Variants in TRPM3 observed in about 807,000 individuals in gnomAD.
The protein encoded by TRPM3 is transient receptor potential cation channel subfamily M member 3, also known as long transient receptor potential channel 3.
Under a neutral mutation model 181.2 loss-of-function variants are expected in TRPM3, and 77 were observed. That is an observed-to-expected ratio of 0.42 (90% CI 0.35 to 0.51). The LOEUF (loss-of-function observed/expected upper bound fraction) is 0.51, where lower values mean the gene tolerates loss of function less well. Among genes scored for constraint, TRPM3 ranks in the 20% least tolerant of loss-of-function variants. TRPM3 has a pLI of 0.01. For missense variants in TRPM3, 1,759 were observed against 2,196.7 expected (o/e 0.80, Z 3.98); for synonymous variants, 745 against 796.4 (o/e 0.94, Z 1.09).
intron 1 of TRPM3, among the ~76,000 whole-genome samples, chr9:70,886,887 A>G (rs2096094145): frequency 6.6e-6 from 1 of 151,658 alleles, no homozygotes; most frequent in Admixed American, 6.6e-5. Context: ...CCAGTTTCGA[A>G]CTCCTGACCT....
chr9:71,442,943 G>T (rs1306493089), intron 1 of TRPM3, among the ~76,000 whole-genome samples: 1 of 152,138 alleles, frequency 6.6e-6, no homozygotes, highest in Admixed American at 6.5e-5. Flanking sequence ...AGACAAAGAA[G>T]TCTTAAATTA....
intron 8 of TRPM3, among the ~76,000 whole-genome samples, chr9:70,701,475 T>C (rs956567821): frequency 1.3e-5 from 2 of 152,160 alleles, no homozygotes; most frequent in African/African-American, 2.4e-5. Flanking sequence ...GTGGTTTCTG[T>C]GGCATTTAAT....
chr9:71,259,830 T>C (rs2082920388), intron 1 of TRPM3, among the ~76,000 whole-genome samples: 1 of 152,216 alleles, frequency 6.6e-6, no homozygotes, highest in Non-Finnish European at 1.5e-5. Context: ...TTCCATTCTG[T>C]AGGGTGGCTG....
chr9:71,331,859 A>T (rs796421265), intron 1 of TRPM3, among the ~76,000 whole-genome samples: 1 of 494 alleles, frequency 2.0e-3, no homozygotes, highest in African/African-American at 7.6e-3. Flanking sequence ...AGAAGAGGAG[A>T]CGGAGGAGGA....
chr9:71,414,648 G>A lies in TRPM3; in HGVS notation c.183+32005C>T, dbSNP rs372629878. 4.6e-5 allele frequency among the ~76,000 whole-genome samples: 7 copies of A among 152,048 alleles called. No homozygotes were observed. In the East Asian group the frequency reaches 1.4e-3, roughly 29 times the overall value. ...GGAAATTCTCAGGTACATGACATATGGTATAAAATACACATAGATCTTGTG... is the reference window on the plus strand; with the variant it reads ...GGAAATTCTCAGGTACATGACATATAGTATAAAATACACATAGATCTTGTG... On this transcript the variant is annotated intron_variant, in intron 1 of 24. Coordinates refer to the TRPM3 transcript ENST00000357533.
intron 1 of TRPM3, among the ~76,000 whole-genome samples, chr9:71,076,812 T>A (rs1344159187): frequency 6.6e-6 from 1 of 152,114 alleles, no homozygotes; most frequent in East Asian, 1.9e-4. Flanking sequence ...AGGCATTAGG[T>A]ACAGTGTGAT....
intron 22 of TRPM3, among the ~76,000 whole-genome samples, chr9:70,570,445 A>G (rs1272812495): frequency 6.6e-6 from 1 of 150,736 alleles, no homozygotes; most frequent in African/African-American, 2.4e-5. Context: ...AGTAGCTGGG[A>G]TTACAGGTAT....
chr9:70,932,708 T>C lies in TRPM3; in HGVS notation c.178-68197A>G, dbSNP rs1346525090. 2.0e-4 allele frequency among the ~76,000 whole-genome samples: 31 copies of C among 152,140 alleles called. 1 individual carries two copies. Among genetic ancestry groups the C allele is most frequent in the Admixed American group, 2.0e-3 (31 of 15,266 alleles). On this transcript the variant is annotated intron_variant, in intron 1 of 25. Coordinates refer to ENST00000677713, the MANE Select transcript of TRPM3 (RefSeq NM_001366145.2). Reference sequence around the variant, plus strand: ...GAAGCAAGATCTTGAAGAAGTCACGTTAACTCTACAGGAGTAGAAAGCCAG... The same window carrying C: ...GAAGCAAGATCTTGAAGAAGTCACGCTAACTCTACAGGAGTAGAAAGCCAG...
intron 1 of TRPM3, among the ~76,000 whole-genome samples, chr9:70,877,720 A>G (rs1345240296): frequency 1.3e-5 from 2 of 151,792 alleles, no homozygotes; most frequent in Non-Finnish European, 2.9e-5. Flanking sequence ...TCCTTTCTCC[A>G]ATATTTAGTA....
chr9:71,316,874 A>T (rs1438808464), intron 1 of TRPM3, among the ~76,000 whole-genome samples: 1 of 152,208 alleles, frequency 6.6e-6, no homozygotes, highest in Non-Finnish European at 1.5e-5. Flanking sequence ...AAAGAAAAAA[A>T]ATCCTGTGGG....
At chr9:70,963,644 A>C (rs187581843) in intron 1 of TRPM3, among the ~76,000 whole-genome samples, 7 of 152,184 alleles carry the variant, frequency 4.6e-5, no homozygotes, top group African/African-American at 1.7e-4. Flanking sequence ...AATGTTTACA[A>C]AAATGAGGCT....
chr9:71,382,321 C>A (rs1209258949), intron 1 of TRPM3, among the ~76,000 whole-genome samples: 1 of 152,006 alleles, frequency 6.6e-6, no homozygotes, highest in East Asian at 1.9e-4. Context: ...GTGCCAAATG[C>A]ATTTGAAAAA....
intron 1 of TRPM3, among the ~76,000 whole-genome samples, chr9:70,897,798 C>CTAA (rs2096301986): frequency 6.6e-6 from 1 of 152,084 alleles, no homozygotes; most frequent in East Asian, 1.9e-4. Flanking sequence ...TTGCACCAAC[C>CTAA]TAATAGAAGA....
At position 71,222,299 on chromosome 9, in the gene TRPM3, T is replaced by C. The variant is rs1293059129; in HGVS notation, c.183+224354A>G. 3.3e-5 allele frequency among the ~76,000 whole-genome samples: 5 copies of C among 152,356 alleles called. No homozygotes were observed. In the East Asian group the frequency reaches 5.8e-4, roughly 18 times the overall value. ...AAAAGTTAAAGAAATAAAGTTCTAC[T>C]GACAAACACCAAACGTTCTTGTCAC... On this transcript the variant is annotated intron_variant, in intron 1 of 24. Transcript: ENST00000357533.
intron 19 of TRPM3, among the ~76,000 whole-genome samples, chr9:70,607,719 T>TAAC (rs1554776765): frequency 2.0e-5 from 3 of 152,346 alleles, no homozygotes; most frequent in African/African-American, 7.2e-5. Flanking sequence ...TTTGCATTTC[T>TAAC]AACAAAACTC....
intron 1 of TRPM3, among the ~76,000 whole-genome samples, chr9:71,119,522 T>C (rs529021256): frequency 1.3e-5 from 2 of 152,040 alleles, no homozygotes; most frequent in African/African-American, 4.8e-5. Flanking sequence ...GACTAGTAAA[T>C]GAATAACATT....
chr9:71,123,222 T>C (rs11788285), upstream of TRPM3, among the ~76,000 whole-genome samples: 64 of 152,358 alleles, frequency 4.2e-4, 1 homozygote, highest in Admixed American at 1.6e-3. Context: ...AATTTAATCT[T>C]ACATAAGAGT....
Position 70,868,493 on chromosome 9 carries a change from A to T in TRPM3, c.178-3982T>A, listed in dbSNP as rs147479726. On this transcript the variant is annotated intron_variant, in intron 1 of 25. Coordinates refer to ENST00000677713, the MANE Select transcript of TRPM3 (RefSeq NM_001366145.2). Reference sequence around the variant, plus strand: ...TTAAGCAGGATTCAATGTTTTTCACAAAGTCTTTGCTACAAATGTTAGTCC... The same window carrying T: ...TTAAGCAGGATTCAATGTTTTTCACTAAGTCTTTGCTACAAATGTTAGTCC... Among the ~76,000 whole-genome samples, 13 of 152,194 alleles carry T rather than the reference A, an allele frequency of 8.5e-5. No individual in the cohort carries two copies. In the East Asian group the frequency reaches 2.5e-3, roughly 29 times the overall value.
At chr9:70,928,041 CCA>C (rs1391598473) in intron 1 of TRPM3, among the ~76,000 whole-genome samples, 1 of 152,118 alleles carries the variant, frequency 6.6e-6, no homozygotes, top group Middle Eastern at 3.2e-3. Context: ...TGTGTGACTT[CCA>C]ACTAATTGTT....
Sources: gnomAD v4.1 joint callset for allele counts (sites outside exome capture counted in the v4.1 genomes callset) on GRCh38, gnomAD v4.1.1 for gene constraint, MANE v1.5 for transcripts, NCBI Gene and HGNC (gene_info 2026-07-23, HGNC 2026-07-21) for gene names.